The following ATP8A2 variants were observed in gnomAD, a reference collection of about 807,000 sequenced individuals.
ATP8A2 encodes the protein phospholipid-transporting ATPase IB.
ATP8A2 carries 100 observed loss-of-function variants against 165.6 expected under a neutral mutation model. The observed-to-expected ratio is 0.60, with a 90% CI of 0.51 to 0.71. ATP8A2 has a LOEUF of 0.71. Ranked by LOEUF, ATP8A2 falls within the 30% of genes least tolerant of loss-of-function variation. ATP8A2 has a pLI of 0.00. For synonymous variants in ATP8A2, 543 were observed against 548.8 expected, an observed-to-expected ratio of 0.99 and a Z score of 0.15; for missense variants, 1,227 against 1,479.5, an observed-to-expected ratio of 0.83 and a Z score of 2.80.
chr13:25,752,136 AAT>A (rs1221252023), intron 25 of ATP8A2, among the ~76,000 whole-genome samples: 1 of 151,974 alleles, frequency 6.6e-6, no homozygotes, highest in Non-Finnish European at 1.5e-5. Flanking sequence ...ATAACTTCTG[AAT>A]AGGCAGCTTG....
chr13:26,019,868 C>T lies in ATP8A2; in HGVS notation c.3470-20C>T. ...CCAATTCTCCTGTTAACCAGTTTCT[C>T]CTGTGTGCTTCACTTTCAGATGGGT... is the stretch of plus-strand genomic sequence containing the variant. On this transcript the variant is annotated intron_variant, in intron 36 of 36. Coordinates refer to ENST00000381655, the MANE Select transcript of ATP8A2 (RefSeq NM_016529.6). 6.3e-7 allele frequency: 1 copy of T among 1,582,278 alleles called. No individual in the cohort carries two copies.
chr13:25,455,762 G>C (rs1182641499), intron 1 of ATP8A2, among the ~76,000 whole-genome samples: 1 of 152,136 alleles, frequency 6.6e-6, no homozygotes, highest in Non-Finnish European at 1.5e-5. Flanking sequence ...CAGACCCTCT[G>C]ACTTATAATT....
At chr13:25,512,793 C>A (rs552592129) in intron 2 of ATP8A2, among the ~76,000 whole-genome samples, 6 of 144,298 alleles carry the variant, frequency 4.2e-5, no homozygotes, top group African/African-American at 1.3e-4. Context: ...GCTGACCCCC[C>A]CATCTCCCTC....
At chr13:25,687,241 G>A (rs923267977) in intron 24 of ATP8A2, among the ~76,000 whole-genome samples, 1 of 152,190 alleles carries the variant, frequency 6.6e-6, no homozygotes, top group Admixed American at 6.5e-5. Flanking sequence ...TGATTGGTTT[G>A]TTTGCTTTTT....
At chr13:25,577,549 TC>T (rs1047275379) in intron 20 of ATP8A2, among the ~76,000 whole-genome samples, 2 of 152,278 alleles carry the variant, frequency 1.3e-5, no homozygotes, top group Non-Finnish European at 2.9e-5. Flanking sequence ...TATGTTTTTT[TC>T]TCATACATTA....
At chr13:25,836,822 C>T (rs777148083) in intron 28 of ATP8A2, among the ~76,000 whole-genome samples, 4 of 152,164 alleles carry the variant, frequency 2.6e-5, no homozygotes, top group African/African-American at 7.2e-5. Flanking sequence ...CGTCAGCTAG[C>T]GTGAGCAGAA....
At chr13:25,895,462 A>G (rs1248314977) in intron 33 of ATP8A2, among the ~76,000 whole-genome samples, 49 of 152,300 alleles carry the variant, frequency 3.2e-4, no homozygotes, top group African/African-American at 1.1e-3. Flanking sequence ...TTTTTGCATC[A>G]ATGTTCATCA....
chr13:25,953,292 G>A lies in ATP8A2; in HGVS notation c.3184-8283G>A, dbSNP rs1955421472. ...AGGACTCAACTCTCTGGCTGCAGGT[G>A]CTGTGGGGAAGGGGCAGACTTAAAT... On this transcript the variant is annotated intron_variant, in intron 33 of 36. Transcript: ENST00000381655. This position sits in a 1 kb window ranked among gnomAD's most constrained non-coding sequence, Gnocchi z 6.7. 6.6e-6 allele frequency among the ~76,000 whole-genome samples: 1 copy of A among 152,154 alleles called. No homozygotes were observed. The highest frequency in any genetic ancestry group is 3.4e-3 in the Middle Eastern group (1 of 294).
chr13:26,006,652 A>T (rs553284318), intron 35 of ATP8A2, among the ~76,000 whole-genome samples: 2 of 152,032 alleles, frequency 1.3e-5, no homozygotes, highest in South Asian at 4.2e-4. Flanking sequence ...GGGTTTTTTT[A>T]AATTAATGCT....
At chr13:25,519,899 C>G (rs916811431) in intron 2 of ATP8A2, among the ~76,000 whole-genome samples, 14 of 152,282 alleles carry the variant, frequency 9.2e-5, no homozygotes, top group Admixed American at 7.8e-4. Context: ...CATCTCCCAT[C>G]TTATTACATT....
intron 27 of ATP8A2, among the ~76,000 whole-genome samples, chr13:25,785,598 G>C (rs2045004131): frequency 6.6e-6 from 1 of 151,724 alleles, no homozygotes; most frequent in Non-Finnish European, 1.5e-5. Context: ...TAAAACTTTT[G>C]AAATCAGATT....
intron 24 of ATP8A2, among the ~76,000 whole-genome samples, chr13:25,686,526 A>G (rs747679244): frequency 2.2e-4 from 34 of 152,172 alleles, no homozygotes; most frequent in Non-Finnish European, 4.4e-4. Flanking sequence ...TCTCAGGGGT[A>G]ACAAGTTCAG....
intron 35 of ATP8A2, among the ~76,000 whole-genome samples, chr13:25,987,555 A>T (rs1956298717): frequency 6.6e-6 from 1 of 152,186 alleles, no homozygotes; most frequent in South Asian, 2.1e-4. Flanking sequence ...TGGCAAAGTC[A>T]GCATGCTGTT....
chr13:25,402,106 T>G (rs2033656423), intron 1 of ATP8A2, among the ~76,000 whole-genome samples: 1 of 151,592 alleles, frequency 6.6e-6, no homozygotes, highest in Admixed American at 6.6e-5. Context: ...GACTCCTAAG[T>G]GACTAAATGG....
chr13:25,399,251 A>G (rs561263705), intron 1 of ATP8A2, among the ~76,000 whole-genome samples: 1 of 152,156 alleles, frequency 6.6e-6, no homozygotes, highest in Admixed American at 6.5e-5. Flanking sequence ...CACCCTCAGA[A>G]GTTCTGATTC....
rs10641772 is a variant in ATP8A2, at chr13:25,880,377, CAAAAA to C, written c.3183+17983_3183+17987del. ...CAGGATACTGTCCAGTCAGGAACAACAAAAAAAAAAAAAAAAAAGGAAGAGGGGAA... is the reference window on the plus strand; with the variant it reads ...CAGGATACTGTCCAGTCAGGAACAACAAAAAAAAAAAAAGGAAGAGGGGAA... On this transcript the variant is annotated intron_variant, in intron 33 of 36. Coordinates refer to ENST00000381655, the MANE Select transcript of ATP8A2 (RefSeq NM_016529.6). Among the ~76,000 whole-genome samples, 789 of 91,670 alleles carry C rather than the reference CAAAAA, an allele frequency of 8.6e-3. 4 individuals are homozygous for C. The highest frequency in any genetic ancestry group is 0.014 in the Non-Finnish European group (572 of 40,542). The allele number at this position is 91,670 out of a possible 152,430, so 60.1% of individuals were successfully genotyped here. A position where few individuals can be genotyped will look rare whatever the true frequency, so the allele number is the denominator to read the frequency against.
chr13:25,603,501 G>A (rs924840824), intron 24 of ATP8A2, among the ~76,000 whole-genome samples: 3 of 151,284 alleles, frequency 2.0e-5, no homozygotes, highest in Non-Finnish European at 4.4e-5. Context: ...TTTAAAAAGA[G>A]TATCTGGCTG....
chr13:25,836,378 CTTTGTA>C (rs1412091046), intron 28 of ATP8A2, among the ~76,000 whole-genome samples: 3 of 152,150 alleles, frequency 2.0e-5, no homozygotes, highest in African/African-American at 7.2e-5. Flanking sequence ...TGTCTCAGAG[CTTTGTA>C]AGGGGTGCAT....
At chr13:25,869,764 G>T (rs1269712183) in intron 33 of ATP8A2, among the ~76,000 whole-genome samples, 1 of 152,214 alleles carries the variant, frequency 6.6e-6, no homozygotes, top group Non-Finnish European at 1.5e-5. Flanking sequence ...ACCTCTAGGG[G>T]AGCATACAGA....
Sources: allele counts gnomAD v4.1 joint callset (sites outside exome capture counted in the v4.1 genomes callset), GRCh38; gene constraint gnomAD v4.1.1; non-coding constraint Gnocchi (gnomAD v3.1); transcripts MANE v1.5; gene names NCBI Gene and HGNC (gene_info 2026-07-23, HGNC 2026-07-21).